Variants in FAM151A observed in about 807,000 individuals in gnomAD.
FAM151A encodes family with sequence similarity 151 member A.
In FAM151A, 41 loss-of-function variants were observed where a neutral mutation model predicts 40.4. That is an observed-to-expected ratio of 1.01 (90% CI 0.79 to 1.32). The LOEUF is 1.32. FAM151A is among the 40% of genes most tolerant of loss of function. The probability of loss-of-function intolerance (pLI) is 0.00; values close to 1 mark genes in which losing one functional copy is unlikely to be tolerated. For missense variants in FAM151A, 740 were observed against 740.4 expected (o/e 1.00, Z 0.01); for synonymous variants, 337 against 312.5 (o/e 1.08, Z -0.83).
chr1:54,614,714 C>T lies in FAM151A; in HGVS notation c.561G>A (p.Glu187=). 1 of 1,613,450 alleles carries T rather than the reference C, an allele frequency of 6.2e-7. No individual in the cohort carries two copies. The change falls in exon 4 of 8, where the codon GAG becomes GAA. Residue 187 remains glutamate, a synonymous_variant. Coordinates refer to ENST00000302250, the MANE Select transcript of FAM151A (RefSeq NM_176782.3). ...CGAACACTCACTGTGTGGCATTGAC[C>T]TCAGTTGAGATGAGCATGTTGGGGC... ...LKGPNMLIST[E]VNATQFLALV... is the part of the protein sequence containing the mutation.
intron 6 of FAM151A, 126 bp from the exon 7 acceptor site, chr1:54,610,681 T>G (rs1644108623): frequency 9.1e-6 from 13 of 1,433,802 alleles, no homozygotes; most frequent in Admixed American, 2.8e-5. Flanking sequence ...CCCTGCCAAG[T>G]AGCTCTCATT....
chr1:54,611,081 T>C (rs1046424535), intron 6 of FAM151A: 1 of 928,678 alleles, frequency 1.1e-6, no homozygotes, highest in Non-Finnish European at 1.3e-6. Context: ...CTGTATAAAT[T>C]CCTGAACTGT....
In FAM151A at chr1:54,620,101, G is replaced by C; in HGVS notation, c.119-94C>G. The C allele has an allele frequency of 2.2e-6, 3 of 1,360,464 alleles. No homozygotes were observed. In the South Asian group the frequency reaches 4.0e-5, roughly 18 times the overall value. The allele number at this position is 1,360,464 out of a possible 1,614,324, so 84.3% of individuals were successfully genotyped here. On this transcript the variant is annotated intron_variant, in intron 1 of 7. Transcript: ENST00000302250. ...CCATGACCCTCCCTGGGCTCCCACTGTGTCCAGTACCCCATCTGGCAGAGG... is the reference window on the plus strand; with the variant it reads ...CCATGACCCTCCCTGGGCTCCCACTCTGTCCAGTACCCCATCTGGCAGAGG...
intron 2 of FAM151A, among the ~76,000 whole-genome samples, chr1:54,618,868 A>G (rs929402066): frequency 5.3e-5 from 8 of 152,174 alleles, no homozygotes; most frequent in African/African-American, 1.7e-4. Flanking sequence ...TTCCTCATCT[A>G]CAAGAATTAA....
chr1:54,621,738 G>A (rs1239521738), intron 1 of FAM151A: 1 of 152,684 alleles, frequency 6.5e-6, no homozygotes, highest in Admixed American at 6.5e-5. Flanking sequence ...GAGCCCTTGA[G>A]GCTCAGGACT....
At chr1:54,619,358 G>A (rs1313681694) in intron 2 of FAM151A, among the ~76,000 whole-genome samples, 2 of 152,158 alleles carry the variant, frequency 1.3e-5, no homozygotes, top group South Asian at 2.1e-4. Flanking sequence ...CTCCAATGTT[G>A]GCTTAACTGC....
At position 54,609,826 on chromosome 1, in the gene FAM151A, C is replaced by T; in HGVS notation, c.1200G>A (p.Gln400=). The change falls in exon 8 of 8, where the codon CAG becomes CAA. Residue 400 remains glutamine, a synonymous_variant. Coordinates refer to ENST00000302250, the MANE Select transcript of FAM151A (RefSeq NM_176782.3). The part of the protein sequence containing the change: ...GNILTLESCL[Q]QLATHPGHWG... ...AGTGTCCGGGATGTGTGGCCAGCTG[C>T]TGCAGGCAGGACTCCAGCGTCAGGA... is the stretch of plus-strand genomic sequence containing the variant. 6.2e-7 allele frequency: 1 copy of T among 1,614,206 alleles called. No homozygotes were observed. The highest frequency in any genetic ancestry group is 1.1e-5 in the South Asian group (1 of 91,092).
chr1:54,620,128 A>C (rs988715868), intron 1 of FAM151A, 121 bp from the exon 2 acceptor site: 1 of 1,064,518 alleles, frequency 9.4e-7, no homozygotes, highest in Non-Finnish European at 1.3e-6. Context: ...TGGCAGAGGG[A>C]CGGTGAGGCT....
Position 54,611,740 on chromosome 1 carries a change from C to T in FAM151A, c.806G>A (p.Ser269Asn), listed in dbSNP as rs1392242272. 7 of 1,614,112 alleles carry T rather than the reference C, an allele frequency of 4.3e-6. No individual in the cohort carries two copies. The highest frequency in any genetic ancestry group is 4.2e-6 in the Non-Finnish European group (5 of 1,179,994). Residue 269 changes from serine (S) to asparagine (N), a missense_variant, in exon 6 of 8, where the codon AGC becomes AAC. Transcript: ENST00000302250. The part of the protein sequence containing the change: ...SWLLSQSERY[S>N]LTLWQAASDP... ...CGAGGCAGCCTGCCACAGCGTCAGG[C>T]TGTACCTGGGGACACGAGAGCTGGC...
At chr1:54,611,341 A>G (rs1284530658) in intron 6 of FAM151A, among the ~76,000 whole-genome samples, 1 of 152,140 alleles carries the variant, frequency 6.6e-6, no homozygotes, top group Non-Finnish European at 1.5e-5. Flanking sequence ...CGGAGGTTAC[A>G]GGGAGCCGAG....
chr1:54,617,396 T>C (rs915310080), intron 2 of FAM151A, among the ~76,000 whole-genome samples: 3 of 151,156 alleles, frequency 2.0e-5, no homozygotes, highest in African/African-American at 7.3e-5. Context: ...TCCCTGCAAG[T>C]CTGTTCTCTA....
intron 3 of FAM151A, among the ~76,000 whole-genome samples, chr1:54,615,206 C>G (rs1644160251): frequency 6.6e-6 from 1 of 152,104 alleles, no homozygotes; most frequent in Admixed American, 6.5e-5. Flanking sequence ...TCAGAGGGTC[C>G]TAAACCACCA....
In FAM151A at chr1:54,619,909, A is replaced by T; in HGVS notation, c.217T>A (p.Tyr73Asn). 4 of 1,614,134 alleles carry T rather than the reference A, an allele frequency of 2.5e-6. No homozygotes were observed. Among genetic ancestry groups the T allele is most frequent in the Non-Finnish European group, 3.4e-6 (4 of 1,180,028 alleles). The part of the protein sequence containing the change: ...SRRDALEVTW[Y>N]HAANSKKAMT... ...GCTTTCTTGCTGTTGGCTGCGTGGT[A>T]CCAGGTGACCTCCAAGGCATCTCGC... The change falls in exon 2 of 8, where the codon TAC becomes AAC. Residue 73 changes from tyrosine (Y) to asparagine (N), a missense_variant. Coordinates refer to ENST00000302250, the MANE Select transcript of FAM151A (RefSeq NM_176782.3).
In FAM151A at chr1:54,620,151, T is replaced by C; in HGVS notation, c.119-144A>G. ...GGACGGTGAGGCTCAGACTCACTGG[T>C]GCTACAATAGAGGGAAATGAATGGG... is the stretch of plus-strand genomic sequence containing the variant. On this transcript the variant is annotated intron_variant, in intron 1 of 7. Coordinates refer to ENST00000302250, the MANE Select transcript of FAM151A (RefSeq NM_176782.3). 3.5e-6 allele frequency: 3 copies of C among 865,888 alleles called. No homozygotes were observed. In the South Asian group the frequency reaches 5.5e-5, roughly 16 times the overall value. The allele number at this position is 865,888 out of a possible 1,614,324, so 53.6% of individuals were successfully genotyped here.
At chr1:54,612,732 T>A in intron 4 of FAM151A, 22 bp from the exon 5 acceptor site, 1 of 1,596,224 alleles carries the variant, frequency 6.3e-7, no homozygotes, top group African/African-American at 1.3e-5. Flanking sequence ...TCAGAGATGT[T>A]GGTCTCACGG....
intron 5 of FAM151A, 46 bp from the exon 6 acceptor site, chr1:54,611,791 A>T (rs762883104): frequency 7.5e-6 from 12 of 1,609,676 alleles, no homozygotes; most frequent in Non-Finnish European, 9.3e-6. Flanking sequence ...GCCCAGCAAG[A>T]CCCTCAGCCC....
chr1:54,621,911 A>G (rs1411681638), intron 1 of FAM151A: 1 of 152,360 alleles, frequency 6.6e-6, no homozygotes, highest in African/African-American at 2.4e-5. Flanking sequence ...ACTCCCAAGA[A>G]GGGCACAGGA....
At chr1:54,609,997 A>ATC in intron 7 of FAM151A, 56 bp from the exon 8 acceptor site, 1 of 1,544,632 alleles carries the variant, frequency 6.5e-7, no homozygotes, top group Non-Finnish European at 8.7e-7. Context: ...ATAAGGTGTT[A>ATC]AGAGTCCCTT....
intron 5 of FAM151A, among the ~76,000 whole-genome samples, chr1:54,611,998 TTC>T (rs1644123416): frequency 2.6e-5 from 4 of 151,666 alleles, no homozygotes; most frequent in African/African-American, 9.7e-5. Flanking sequence ...CAGTGTCTAT[TTC>T]TGAGTCCTGT....
Sources: gnomAD v4.1 joint callset for allele counts (sites outside exome capture counted in the v4.1 genomes callset) on GRCh38, gnomAD v4.1.1 for gene constraint, MANE v1.5 for transcripts, NCBI Gene and HGNC (gene_info 2026-07-23, HGNC 2026-07-21) for gene names.